SUMF1: variants seen among roughly 807,000 people sequenced by gnomAD.
The protein encoded by SUMF1 is sulfatase modifying factor 1.
A neutral mutation model predicts 47.6 loss-of-function variants in SUMF1; 48 were observed. The observed-to-expected ratio is 1.01, with a 90% CI of 0.80 to 1.28. The LOEUF is 1.28. Among genes scored for constraint, SUMF1 ranks in the 50% most tolerant of loss-of-function variants. The probability of loss-of-function intolerance (pLI) is 0.00; values close to 1 mark genes in which losing one functional copy is unlikely to be tolerated. For synonymous variants in SUMF1, 230 were observed against 192.1 expected (o/e 1.20, Z -1.63); for missense variants, 571 against 485.4 (o/e 1.18, Z -1.66).
intron 8 of SUMF1, among the ~76,000 whole-genome samples, chr3:4,327,638 T>C (rs1455257556): frequency 1.3e-5 from 2 of 151,916 alleles, no homozygotes; most frequent in Non-Finnish European, 2.9e-5. Context: ...CACATATTAA[T>C]AACATATAAA....
At position 4,453,010 on chromosome 3, in the gene SUMF1, C is replaced by T. The variant is rs1703026245; in HGVS notation, c.310G>A (p.Asp104Asn). The change falls in exon 2 of 9, where the codon GAT (aspartate) becomes AAT (asparagine). Residue 104 changes from aspartate (D) to asparagine (N), a missense_variant. Transcript: ENST00000272902. ...CCATCCTGCTTTATCTGAGGATCAT[C>T]TGTGCCCATTGTAAATACTCCAGCA... ...IPAGVFTMGT[D>N]DPQIKQDGEA... 3.7e-6 allele frequency: 6 copies of T among 1,614,072 alleles called. No individual in the cohort carries two copies. In the South Asian group the frequency reaches 6.6e-5, roughly 18 times the overall value.
At chr3:4,234,755 A>T (rs991231346) in intron 8 of SUMF1, among the ~76,000 whole-genome samples, 2 of 152,146 alleles carry the variant, frequency 1.3e-5, no homozygotes, top group African/African-American at 2.4e-5. Context: ...ATGGGCTACC[A>T]GTTAAAGAGG....
At chr3:4,105,805 A>G (rs976969415) in intron 8 of SUMF1, among the ~76,000 whole-genome samples, 34 of 152,226 alleles carry the variant, frequency 2.2e-4, no homozygotes, top group African/African-American at 7.7e-4. Flanking sequence ...GCATTCTTAC[A>G]AACTATTTTT....
At chr3:4,147,627 C>T (rs1214937979) in intron 8 of SUMF1, among the ~76,000 whole-genome samples, 1 of 152,074 alleles carries the variant, frequency 6.6e-6, no homozygotes. Context: ...AGCTATGTGC[C>T]ACACCTACAT....
chr3:4,392,634 T>C (rs1700908356), intron 7 of SUMF1, among the ~76,000 whole-genome samples: 2 of 148,270 alleles, frequency 1.3e-5, no homozygotes. Context: ...TATATATATA[T>C]ATATATCTAC....
chr3:4,264,894 C>G (rs12488080), intron 8 of SUMF1, among the ~76,000 whole-genome samples: 63,722 of 151,954 alleles, frequency 0.42, 13,797 homozygotes, highest in Non-Finnish European at 0.48. Flanking sequence ...AGCACTTTGG[C>G]AGGCCAAGGC....
At chr3:4,434,833 T>C (rs1459954526) in intron 3 of SUMF1, among the ~76,000 whole-genome samples, 2 of 152,138 alleles carry the variant, frequency 1.3e-5, no homozygotes, top group Admixed American at 6.5e-5. Flanking sequence ...CCCTAGAGAA[T>C]TGTAACAAGC....
rs1463618888 is a variant in SUMF1, at chr3:4,171,211, C to T, written c.1015-102466G>A. On this transcript the variant is annotated intron_variant and NMD_transcript_variant, in intron 8 of 12. Coordinates refer to the SUMF1 transcript ENST00000448413. Reference sequence around the variant, plus strand: ...TTGCTAACTACTAAGGATTTTGCCACCATCAGCAGCAAGGAGTATTGCAGA... The same window carrying T: ...TTGCTAACTACTAAGGATTTTGCCATCATCAGCAGCAAGGAGTATTGCAGA... Among the ~76,000 whole-genome samples the T allele has an allele frequency of 1.3e-5, 2 of 152,148 alleles. 1 individual carries two copies. Among genetic ancestry groups the T allele is most frequent in the Non-Finnish European group, 2.9e-5 (2 of 68,008 alleles).
At chr3:4,399,372 C>A (rs1026827805) in intron 7 of SUMF1, among the ~76,000 whole-genome samples, 1 of 152,040 alleles carries the variant, frequency 6.6e-6, no homozygotes, top group African/African-American at 2.4e-5. Flanking sequence ...TTTAAGTTGA[C>A]GGAGACCACT....
chr3:4,295,183 G>T (rs190910079), intron 8 of SUMF1, among the ~76,000 whole-genome samples: 9 of 152,040 alleles, frequency 5.9e-5, no homozygotes, highest in Admixed American at 4.6e-4. Flanking sequence ...TCAAATGCTA[G>T]AACTGGGGCT....
chr3:4,135,670 T>C (rs954110865), intron 8 of SUMF1, among the ~76,000 whole-genome samples: 3 of 152,006 alleles, frequency 2.0e-5, no homozygotes, highest in African/African-American at 7.2e-5. Context: ...AATTAGGAAA[T>C]GAGGAAGTCA....
intron 8 of SUMF1, among the ~76,000 whole-genome samples, chr3:4,134,494 T>C (rs1201985460): frequency 1.3e-5 from 2 of 152,060 alleles, no homozygotes; most frequent in African/African-American, 2.4e-5. Context: ...TTTATAGCAC[T>C]AAATGCCCAC....
In SUMF1 at chr3:4,048,173, G is replaced by C. The variant is rs547232344; in HGVS notation, c.1191+20396C>G. ...CAAACCTTTTCCATTCTTCAAGTCT[G>C]GGCTCAAATGCTACTTTTTTTCACA... On this transcript the variant is annotated intron_variant and NMD_transcript_variant, in intron 9 of 12. Transcript: ENST00000448413. 5.3e-5 allele frequency among the ~76,000 whole-genome samples: 8 copies of C among 152,138 alleles called. No homozygotes were observed. In the South Asian group the frequency reaches 1.7e-3, roughly 32 times the overall value.
At chr3:4,238,387 C>T (rs1696458224) in intron 8 of SUMF1, among the ~76,000 whole-genome samples, 1 of 152,144 alleles carries the variant, frequency 6.6e-6, no homozygotes. Context: ...ATTTACACTC[C>T]CACCAACAGT....
At chr3:4,174,852 TC>T (rs1207547613) in intron 8 of SUMF1, among the ~76,000 whole-genome samples, 1 of 152,234 alleles carries the variant, frequency 6.6e-6, no homozygotes, top group East Asian at 1.9e-4. Context: ...ATTCCCAAGG[TC>T]TTAGCAACCA....
At chr3:4,210,826 G>T (rs906572202) in intron 8 of SUMF1, among the ~76,000 whole-genome samples, 1 of 151,884 alleles carries the variant, frequency 6.6e-6, no homozygotes, top group African/African-American at 2.4e-5. Context: ...GTGTCGCTGG[G>T]CTGGGAAAGG....
intron 8 of SUMF1, among the ~76,000 whole-genome samples, chr3:4,294,540 TAG>T (rs1238978914): frequency 1.3e-5 from 2 of 152,086 alleles, no homozygotes; most frequent in Non-Finnish European, 2.9e-5. Context: ...CTCTGAGTTG[TAG>T]AGAGTGTACC....
intron 7 of SUMF1, among the ~76,000 whole-genome samples, chr3:4,387,726 CCT>C (rs1355803385): frequency 1.3e-5 from 2 of 151,874 alleles, no homozygotes; most frequent in African/African-American, 4.8e-5. Flanking sequence ...TGCAAATTTC[CCT>C]CTTAGCACTG....
At chr3:4,195,690 G>A (rs955809604) in intron 8 of SUMF1, among the ~76,000 whole-genome samples, 2 of 152,130 alleles carry the variant, frequency 1.3e-5, no homozygotes, top group Non-Finnish European at 2.9e-5. Flanking sequence ...AAAAGCAGAT[G>A]AAGTTTATCT....
Sources: allele counts gnomAD v4.1 joint callset (sites outside exome capture counted in the v4.1 genomes callset), GRCh38; gene constraint gnomAD v4.1.1; transcripts MANE v1.5; gene names NCBI Gene and HGNC (gene_info 2026-07-23, HGNC 2026-07-21).